The following PRAG1 variants were observed in gnomAD, a reference collection of about 807,000 sequenced individuals.
PRAG1 encodes inactive tyrosine-protein kinase PRAG1.
Under a neutral mutation model 95.6 loss-of-function variants are expected in PRAG1, and 110 were observed. That is an observed-to-expected ratio of 1.15 (90% CI 0.99 to 1.35). PRAG1 has a LOEUF of 1.35. Ranked by LOEUF, PRAG1 falls within the 40% of genes most tolerant of loss-of-function variation. PRAG1 has a pLI of 0.00. For synonymous variants in PRAG1, 1,052 were observed against 819.4 expected (o/e 1.28, Z -4.85); for missense variants, 2,554 against 1,864.7 (o/e 1.37, Z -6.81).
Position 8,377,389 on chromosome 8 carries a change from G to A in PRAG1, c.1020C>T (p.Gly340=). 1 of 1,587,920 alleles carries A rather than the reference G, an allele frequency of 6.3e-7. No homozygotes were observed. Among genetic ancestry groups the A allele is most frequent in the Non-Finnish European group, 8.6e-7 (1 of 1,168,352 alleles). ...TGCCGCTGCCGCTGCCACAAGAGAG[G>A]CCGTCGGAAGAAATGGCAGCCTCCG... ...LTSEAAISSD[G]LSCGSGSGSG... Residue 340 remains glycine, a synonymous_variant, in exon 3 of 6, where the codon GGC becomes GGT. Transcript: ENST00000615670.
intron 3 of PRAG1, among the ~76,000 whole-genome samples, chr8:8,364,132 T>A (rs780619751): frequency 3.3e-5 from 5 of 152,230 alleles, no homozygotes; most frequent in Non-Finnish European, 7.3e-5. Context: ...TGTAGTCTCA[T>A]ACTTAATTTA....
rs375454381 is a variant in PRAG1, at chr8:8,328,047, C to T, written c.2735G>A (p.Cys912Tyr). The change falls in exon 5 of 6, where the codon TGC becomes TAC. Residue 912 changes from cysteine (C) to tyrosine (Y), a missense_variant. Transcript: ENST00000615670. Reference sequence around the variant, plus strand: ...GGATGAGGCGGAGGGGGCCCCTTTGCACTGGAGGCCAGGGCTCCCGCAGCC... The same window carrying T: ...GGATGAGGCGGAGGGGGCCCCTTTGTACTGGAGGCCAGGGCTCCCGCAGCC... ...RGGCGSPGLQCKGAPSASSSQ... is the reference protein window; with the variant it reads ...RGGCGSPGLQYKGAPSASSSQ... 96 of 1,589,994 alleles carry T rather than the reference C, an allele frequency of 6.0e-5. No individual in the cohort carries two copies. Among genetic ancestry groups the T allele is most frequent in the Non-Finnish European group, 7.6e-5 (89 of 1,167,594 alleles).
chr8:8,321,685 T>C (rs1798476028), intron 5 of PRAG1, among the ~76,000 whole-genome samples: 1 of 152,156 alleles, frequency 6.6e-6, no homozygotes, highest in South Asian at 2.1e-4. Flanking sequence ...GAAGTTAAAT[T>C]ATTTGCTCAG....
Position 8,377,972 on chromosome 8 carries a change from G to C in PRAG1, c.437C>G (p.Ser146Cys), listed in dbSNP as rs779835115. The change falls in exon 3 of 6, where the codon TCT (serine) becomes TGT (cysteine). Residue 146 changes from serine to cysteine, a missense_variant. Physicochemically the swap from Ser to Cys is moderately radical, Grantham distance 112. Coordinates refer to ENST00000615670, the MANE Select transcript of PRAG1 (RefSeq NM_001080826.3). The part of the protein sequence containing the change: ...FRGVQKPAGP[S>C]TSPDGNSRCP... Reference sequence around the variant, plus strand: ...GCGAGAATTGCCATCAGGGGAGGTAGAGGGACCAGCAGGCTTCTGTACACC... The same window carrying C: ...GCGAGAATTGCCATCAGGGGAGGTACAGGGACCAGCAGGCTTCTGTACACC... 5.0e-6 allele frequency: 8 copies of C among 1,613,502 alleles called. No individual in the cohort carries two copies. The highest frequency in any genetic ancestry group is 5.9e-6 in the Non-Finnish European group (7 of 1,179,900).
At chr8:8,351,323 C>T (rs1799514534) in intron 3 of PRAG1, among the ~76,000 whole-genome samples, 1 of 152,156 alleles carries the variant, frequency 6.6e-6, no homozygotes, top group Non-Finnish European at 1.5e-5. Context: ...GGGAAATTCG[C>T]TCCCATGGTC....
chr8:8,365,745 C>T (rs1183703610), intron 3 of PRAG1, among the ~76,000 whole-genome samples: 1 of 151,786 alleles, frequency 6.6e-6, no homozygotes, highest in African/African-American at 2.4e-5. Flanking sequence ...GGTGGATCAC[C>T]TGAGGTCAGG....
At chr8:8,360,962 T>C (rs977625747) in intron 3 of PRAG1, among the ~76,000 whole-genome samples, 1 of 152,328 alleles carries the variant, frequency 6.6e-6, no homozygotes, top group Non-Finnish European at 1.5e-5. Flanking sequence ...CAAATTGCCA[T>C]AGCGGCTCTG....
Position 8,319,220 on chromosome 8 carries a change from C to A in PRAG1, c.3155G>T (p.Gly1052Val). The change falls in exon 6 of 6, where the codon GGC becomes GTC. Residue 1052 changes from glycine (G) to valine (V), a missense_variant. By Grantham distance (109) the Gly-to-Val change is moderately radical (BLOSUM62 -3). Coordinates refer to ENST00000615670, the MANE Select transcript of PRAG1 (RefSeq NM_001080826.3). ...PVHFNIQQDCGHFVASVPSSM... is the reference protein window; with the variant it reads ...PVHFNIQQDCVHFVASVPSSM... Reference sequence around the variant, plus strand: ...GGACGGCACCGAGGCGACGAAGTGGCCGCAGTCCTGCTGGATGTTAAAGTG... The same window carrying A: ...GGACGGCACCGAGGCGACGAAGTGGACGCAGTCCTGCTGGATGTTAAAGTG... 4 of 1,577,290 alleles carry A rather than the reference C, an allele frequency of 2.5e-6. No homozygotes were observed. The highest frequency in any genetic ancestry group is 3.5e-6 in the Non-Finnish European group (4 of 1,157,578).
chr8:8,322,830 C>T (rs1254005823), intron 5 of PRAG1, among the ~76,000 whole-genome samples: 1 of 152,108 alleles, frequency 6.6e-6, no homozygotes, highest in Admixed American at 6.5e-5. Flanking sequence ...GGAAGCTCCC[C>T]CGGCCCCCTC....
chr8:8,348,349 G>C (rs1229260111), intron 3 of PRAG1, among the ~76,000 whole-genome samples: 1 of 152,142 alleles, frequency 6.6e-6, no homozygotes, highest in East Asian at 1.9e-4. Context: ...CCACCATGTT[G>C]GATTGACTCA....
intron 3 of PRAG1, among the ~76,000 whole-genome samples, chr8:8,346,889 G>T (rs1799360882): frequency 6.6e-6 from 1 of 152,154 alleles, no homozygotes; most frequent in African/African-American, 2.4e-5. Context: ...ACCCACATAT[G>T]CCAGCATGCA....
chr8:8,334,587 G>C lies in PRAG1; in HGVS notation c.2320+4891C>G, dbSNP rs150362270. ...CTCTCCAGACCACTTAATCATCCCA[G>C]GAAACAATAATCAAGATGTGAATGT... is the stretch of plus-strand genomic sequence containing the variant. On this transcript the variant is annotated intron_variant, in intron 4 of 5. Coordinates refer to ENST00000615670, the MANE Select transcript of PRAG1 (RefSeq NM_001080826.3). Among the ~76,000 whole-genome samples the C allele has an allele frequency of 9.0e-3, 1,356 of 151,200 alleles. 14 individuals are homozygous for C. The highest frequency in any genetic ancestry group is 0.011 in the Non-Finnish European group (780 of 67,890).
intron 3 of PRAG1, 67 bp downstream of exon 3, chr8:8,376,180 G>T: frequency 2.6e-6 from 4 of 1,555,320 alleles, no homozygotes; most frequent in Non-Finnish European, 2.6e-6. Flanking sequence ...TTTGATGAGG[G>T]CAAAGGTTTC....
At chr8:8,364,041 G>A (rs897731256) in intron 3 of PRAG1, among the ~76,000 whole-genome samples, 2 of 152,110 alleles carry the variant, frequency 1.3e-5, no homozygotes, top group Non-Finnish European at 2.9e-5. Flanking sequence ...CTACTATAAT[G>A]TTATGACAAA....
chr8:8,330,668 G>A (rs1426392712), intron 4 of PRAG1, among the ~76,000 whole-genome samples: 3 of 152,272 alleles, frequency 2.0e-5, no homozygotes, highest in Middle Eastern at 3.4e-3. Context: ...AAGAAATAGC[G>A]AGCCAGAAGA....
chr8:8,374,537 G>A (rs982310826), intron 3 of PRAG1: 10 of 524,184 alleles, frequency 1.9e-5, no homozygotes, highest in Non-Finnish European at 2.4e-5. Flanking sequence ...GTAAATTGGG[G>A]CTGGCAATTC....
At chr8:8,370,870 C>CG (rs1239398578) in intron 3 of PRAG1, among the ~76,000 whole-genome samples, 8 of 152,106 alleles carry the variant, frequency 5.3e-5, no homozygotes, top group Non-Finnish European at 8.8e-5. Context: ...AGCAAAAGAC[C>CG]GGGGGCTGTA....
At position 8,377,338 on chromosome 8, in the gene PRAG1, G is replaced by C. The variant is rs750380218; in HGVS notation, c.1071C>G (p.Phe357Leu). 2 of 1,603,180 alleles carry C rather than the reference G, an allele frequency of 1.2e-6. No homozygotes were observed. Among genetic ancestry groups the C allele is most frequent in the Non-Finnish European group, 1.7e-6 (2 of 1,175,818 alleles). ...SGSGSGASSP[F>L]VPHLESDYCS... ...AGTAATCACTCTCGAGGTGGGGGACGAAGGGGCTACTGGCGCCGCTGCCGC... is the reference window on the plus strand; with the variant it reads ...AGTAATCACTCTCGAGGTGGGGGACCAAGGGGCTACTGGCGCCGCTGCCGC... Residue 357 changes from phenylalanine to leucine, a missense_variant, in exon 3 of 6, where the codon TTC becomes TTG. Physicochemically the swap from Phe to Leu is conservative, Grantham distance 22. Coordinates refer to ENST00000615670, the MANE Select transcript of PRAG1 (RefSeq NM_001080826.3).
At chr8:8,359,314 TG>T (rs1465301116) in intron 3 of PRAG1, among the ~76,000 whole-genome samples, 1 of 152,244 alleles carries the variant, frequency 6.6e-6, no homozygotes, top group Admixed American at 6.5e-5. Context: ...TAGTAAGAGT[TG>T]TTTTTGTTAA....
Sources: allele counts gnomAD v4.1 joint callset (sites outside exome capture counted in the v4.1 genomes callset), GRCh38; gene constraint gnomAD v4.1.1; transcripts MANE v1.5; gene names NCBI Gene and HGNC (gene_info 2026-07-23, HGNC 2026-07-21).